TCF25: variants seen among roughly 807,000 people sequenced by gnomAD.
The protein encoded by TCF25 is TCF25 ribosome quality control complex subunit, also known as ribosome quality control complex subunit TCF25.
Under a neutral mutation model 83.1 loss-of-function variants are expected in TCF25, and 41 were observed. The ratio of observed to expected loss-of-function variants is 0.49; its 90% CI spans 0.38 to 0.64. The LOEUF is 0.64. TCF25 is among the 30% of genes least tolerant of loss of function. The probability of loss-of-function intolerance (pLI) is 0.00; values close to 1 mark genes in which losing one functional copy is unlikely to be tolerated. For synonymous variants in TCF25, 458 were observed against 365.0 expected (o/e 1.25, Z -2.90); for missense variants, 979 against 914.5 (o/e 1.07, Z -0.91).
intron 9 of TCF25, among the ~76,000 whole-genome samples, 170 bp from the exon 10 acceptor site, chr16:89,898,387 G>T (rs2044041167): frequency 2.0e-5 from 3 of 151,588 alleles, no homozygotes; most frequent in African/African-American, 7.3e-5. Flanking sequence ...GCAGTGTGTG[G>T]GGTGGAGCGG....
rs908975835 is a variant in TCF25 at position 89,908,837 on chromosome 16, C to T, written c.1799+1515C>T. 2.9e-6 allele frequency: 3 copies of T among 1,017,696 alleles called. No homozygotes were observed. In the South Asian group the frequency reaches 4.6e-5, roughly 16 times the overall value. 63.0% of individuals were successfully genotyped at this position (1,017,696 alleles called of 1,614,324 possible). A position where few individuals can be genotyped will look rare whatever the true frequency, so the allele number is the denominator to read the frequency against. ...GCAGCTCCCAGCTCCCAGCTCCCAC[C>T]TCGCAGCTCCCAGCTCTCTCCTGCA... On this transcript the variant is annotated intron_variant, in intron 16 of 17. Transcript: ENST00000263346.
intron 1 of TCF25, 103 bp from the exon 2 acceptor site, chr16:89,883,248 G>A (rs1472977193): frequency 1.3e-6 from 2 of 1,496,370 alleles, no homozygotes. Context: ...ACTGACCCTG[G>A]GGGTCCCCAA....
chr16:89,884,421 G>A (rs111235607), intron 2 of TCF25, among the ~76,000 whole-genome samples, 161 bp from the exon 3 acceptor site: 1 of 152,148 alleles, frequency 6.6e-6, no homozygotes, highest in Non-Finnish European at 1.5e-5. Flanking sequence ...AGGTGGGAAG[G>A]TGCCTGCTGG....
rs2044418936 is a variant in TCF25 at position 89,902,523 on chromosome 16, A to T, written c.1382-1595A>T. Among the ~76,000 whole-genome samples, 3 of 142,880 alleles carry T rather than the reference A, an allele frequency of 2.1e-5. 1 individual carries two copies. Among genetic ancestry groups the T allele is most frequent in the Admixed American group, 6.8e-5 (1 of 14,624 alleles). 93.7% of individuals were successfully genotyped at this position (142,880 alleles called of 152,430 possible). A position where few individuals can be genotyped will look rare whatever the true frequency, so the allele number is the denominator to read the frequency against. On this transcript the variant is annotated intron_variant, in intron 12 of 17. Transcript: ENST00000263346. Reference sequence around the variant, plus strand: ...ACTAACACGGTGAAACCACGTCTCTACTAAAAATACAAAAAATTAGCCGGG... The same window carrying T: ...ACTAACACGGTGAAACCACGTCTCTTCTAAAAATACAAAAAATTAGCCGGG...
chr16:89,891,455 T>C (rs766126397), intron 5 of TCF25, among the ~76,000 whole-genome samples: 6 of 152,210 alleles, frequency 3.9e-5, no homozygotes, highest in Non-Finnish European at 7.3e-5. Context: ...AGCTGCACCG[T>C]GCTGATGGTG....
chr16:89,908,649 T>A (rs1258958348), intron 16 of TCF25, among the ~76,000 whole-genome samples: 5 of 131,384 alleles, frequency 3.8e-5, no homozygotes, highest in Non-Finnish European at 6.7e-5. Flanking sequence ...ACCTCCCAGC[T>A]CCCACCTCCC....
At chr16:89,883,245 C>A in intron 1 of TCF25, 106 bp from the exon 2 acceptor site, 1 of 1,490,794 alleles carries the variant, frequency 6.7e-7, no homozygotes, top group Non-Finnish European at 9.1e-7. Flanking sequence ...CGCACTGACC[C>A]TGGGGGTCCC....
intron 16 of TCF25, among the ~76,000 whole-genome samples, chr16:89,908,634 C>CTTCCAGT (rs1567745917): frequency 1.1e-5 from 1 of 88,310 alleles, no homozygotes; most frequent in Non-Finnish European, 2.3e-5. Context: ...CAGCTCCCAC[C>CTTCCAGT]TCCCACCTCC....
chr16:89,894,128 G>A (rs1025152303), intron 7 of TCF25, among the ~76,000 whole-genome samples: 5 of 152,192 alleles, frequency 3.3e-5, no homozygotes, highest in African/African-American at 4.8e-5. Context: ...GTAGTGCCGT[G>A]TGATGCAGGC....
At chr16:89,881,966 G>T (rs547702016) in intron 1 of TCF25, among the ~76,000 whole-genome samples, 1 of 152,014 alleles carries the variant, frequency 6.6e-6, no homozygotes, top group South Asian at 2.1e-4. Flanking sequence ...TGTTGGTCAG[G>T]CTGGTCTTGA....
At chr16:89,903,102 G>T (rs75070904) in intron 12 of TCF25, among the ~76,000 whole-genome samples, 8,463 of 152,348 alleles carry the variant, frequency 0.056, 547 homozygotes, top group African/African-American at 0.15. Context: ...GTGCAGCCGT[G>T]TCTGGAAACG....
intron 2 of TCF25, among the ~76,000 whole-genome samples, chr16:89,884,237 T>G (rs1175886469): frequency 6.6e-6 from 1 of 152,070 alleles, no homozygotes; most frequent in African/African-American, 2.4e-5. Flanking sequence ...ACAGGTGCGG[T>G]GTGAGGCGGC....
Position 89,904,191 on chromosome 16 carries a change from C to G in TCF25, c.1455C>G (p.Pro485=). The change falls in exon 13 of 18, where the codon CCC becomes CCG. Residue 485 remains proline (P), a synonymous_variant. Transcript: ENST00000263346. ...TTTCCAGTCACCGCTTCTTTGGACC[C>G]AATGCTGAAATAAGGTAAAGAGTGG... ...ASVSSHRFFG[P]NAEISQPPAL... The G allele has an allele frequency of 1.9e-6, 3 of 1,582,558 alleles. No individual in the cohort carries two copies. Among genetic ancestry groups the G allele is most frequent in the Non-Finnish European group, 2.6e-6 (3 of 1,163,772 alleles).
At chr16:89,908,235 TTCCCACCTCCCAGCTCCCACC>T (rs2045134299) in intron 16 of TCF25, among the ~76,000 whole-genome samples, 2 of 47,602 alleles carry the variant, frequency 4.2e-5, no homozygotes, top group African/African-American at 2.0e-4. Flanking sequence ...CTCCTCTCAG[TTCCCACCTCCCAGCTCCCACC>T]TCCCAGCTCC....
In TCF25 at chr16:89,895,447, C is replaced by G. The variant is rs866895940; in HGVS notation, c.928+310C>G. ...GGTCTCGATCTCCTGACCTTGTGAT[C>G]CACCCACCTCAGCCTCCCAAAGTGC... On this transcript the variant is annotated intron_variant, in intron 8 of 17. Coordinates refer to ENST00000263346, the MANE Select transcript of TCF25 (RefSeq NM_014972.3). 7.1e-4 allele frequency among the ~76,000 whole-genome samples: 108 copies of G among 152,210 alleles called. 2 individuals carry two copies. Among genetic ancestry groups the G allele is most frequent in the Middle Eastern group, 6.8e-3 (2 of 294 alleles).
At chr16:89,906,054 TAA>T in intron 14 of TCF25, 138 bp from the exon 15 acceptor site, 1 of 741,340 alleles carries the variant, frequency 1.3e-6, no homozygotes, top group Admixed American at 2.4e-5. Context: ...TGCTCGAGAG[TAA>T]AGTGTACAGT....
chr16:89,885,161 G>A (rs902850269), intron 3 of TCF25, among the ~76,000 whole-genome samples: 5 of 152,162 alleles, frequency 3.3e-5, no homozygotes, highest in Non-Finnish European at 7.3e-5. Context: ...CCAAGGTGGT[G>A]TTGAAAGAAG....
At chr16:89,881,741 A>C (rs2042623802) in intron 1 of TCF25, among the ~76,000 whole-genome samples, 1 of 150,978 alleles carries the variant, frequency 6.6e-6, no homozygotes, top group African/African-American at 2.4e-5. Flanking sequence ...CACCACACCC[A>C]ATCTGTTAGC....
rs749169119 is a variant in TCF25, at chr16:89,896,047, G to T, written c.986G>T (p.Gly329Val). Residue 329 changes from glycine to valine, a missense_variant, in exon 9 of 18, where the codon GGG becomes GTG. Transcript: ENST00000263346. ...AFHPLFSLTSGACRLDYRRPE... is the reference protein window; with the variant it reads ...AFHPLFSLTSVACRLDYRRPE... ...CACCCCCTGTTCAGTCTCACCAGTG[G>T]GGCCTGCCGGCTGGATTACCGCAGA... 1 of 1,613,840 alleles carries T rather than the reference G, an allele frequency of 6.2e-7. No individual in the cohort carries two copies. The highest frequency in any genetic ancestry group is 1.7e-5 in the Admixed American group (1 of 60,016).
Sources: gnomAD v4.1 joint callset for allele counts (sites outside exome capture counted in the v4.1 genomes callset) on GRCh38, gnomAD v4.1.1 for gene constraint, MANE v1.5 for transcripts, NCBI Gene and HGNC (gene_info 2026-07-23, HGNC 2026-07-21) for gene names.